RIMS2: variants seen among roughly 807,000 people sequenced by gnomAD.
RIMS2 encodes regulating synaptic membrane exocytosis 2.
Under a neutral mutation model 174.4 loss-of-function variants are expected in RIMS2, and 59 were observed. That is an observed-to-expected ratio of 0.34 (90% CI 0.27 to 0.42). RIMS2 has a LOEUF of 0.42. Ranked by LOEUF, RIMS2 falls within the 10% of genes least tolerant of loss-of-function variation. RIMS2 has a pLI of 1.00. For missense variants in RIMS2, 1,620 were observed against 1,666.3 expected (o/e 0.97, Z 0.48); for synonymous variants, 606 against 572.5 (o/e 1.06, Z -0.84).
In RIMS2 at chr8:104,248,833, G is replaced by A; in HGVS notation, c.3589+20G>A. On this transcript the variant is annotated intron_variant, in intron 21 of 23. Transcript: ENST00000504942. Reference sequence around the variant, plus strand: ...CAATGGGTAAGAATTTCTGCCACATGATTTCACTATTTTGTTTTAGATTGT... The same window carrying A: ...CAATGGGTAAGAATTTCTGCCACATAATTTCACTATTTTGTTTTAGATTGT... The A allele has an allele frequency of 1.7e-6, 2 of 1,172,086 alleles. No individual in the cohort carries two copies. Among genetic ancestry groups the A allele is most frequent in the Non-Finnish European group, 1.3e-6 (1 of 781,456 alleles). The allele number at this position is 1,172,086 out of a possible 1,614,324, so 72.6% of individuals were successfully genotyped here. A position where few individuals can be genotyped will look rare whatever the true frequency, so the allele number is the denominator to read the frequency against.
At chr8:103,949,104 G>A (rs1343294963) in intron 14 of RIMS2, among the ~76,000 whole-genome samples, 3 of 121,614 alleles carry the variant, frequency 2.5e-5, no homozygotes, top group African/African-American at 3.2e-5. Flanking sequence ...TCCAGCCTGG[G>A]CAACAGAGTG....
At chr8:103,590,960 T>A (rs2094223983) in intron 1 of RIMS2, among the ~76,000 whole-genome samples, 1 of 150,964 alleles carries the variant, frequency 6.6e-6, no homozygotes, top group Admixed American at 6.6e-5. Flanking sequence ...TATGAGAAAT[T>A]GCCAGGCCTT....
chr8:103,708,719 AT>A (rs2097264251), intron 2 of RIMS2, among the ~76,000 whole-genome samples: 1 of 151,892 alleles, frequency 6.6e-6, no homozygotes, highest in African/African-American at 2.4e-5. Context: ...ATAATGTAGC[AT>A]TTTTCACTTG....
At chr8:104,091,071 G>C (rs1030895004) in intron 19 of RIMS2, among the ~76,000 whole-genome samples, 1 of 151,674 alleles carries the variant, frequency 6.6e-6, no homozygotes, top group Non-Finnish European at 1.5e-5. Flanking sequence ...GCAAGCCTTG[G>C]AGATAGGCAC....
intron 2 of RIMS2, among the ~76,000 whole-genome samples, chr8:103,746,216 A>C (rs1222049414): frequency 6.6e-6 from 1 of 152,308 alleles, no homozygotes; most frequent in East Asian, 1.9e-4. Flanking sequence ...TTCCAATTGA[A>C]CGATCTTGGC....
chr8:103,783,666 A>G (rs1349543091), intron 3 of RIMS2, among the ~76,000 whole-genome samples: 2 of 151,936 alleles, frequency 1.3e-5, no homozygotes, highest in African/African-American at 2.4e-5. Flanking sequence ...CCAGTCTATC[A>G]TTGTGGGACA....
intron 3 of RIMS2, among the ~76,000 whole-genome samples, chr8:103,802,833 C>T (rs2098622443): frequency 1.3e-5 from 2 of 152,150 alleles, no homozygotes; most frequent in African/African-American, 2.4e-5. Context: ...TTTCAAAGGT[C>T]ATACAAGGTC....
chr8:103,853,747 T>G (rs998613319), intron 3 of RIMS2, among the ~76,000 whole-genome samples: 1 of 152,192 alleles, frequency 6.6e-6, no homozygotes, highest in South Asian at 2.1e-4. Flanking sequence ...TCTATGTGTT[T>G]GTTTTTACAC....
intron 19 of RIMS2, among the ~76,000 whole-genome samples, chr8:104,122,254 T>A (rs2098385564): frequency 6.6e-6 from 1 of 151,926 alleles, no homozygotes; most frequent in Non-Finnish European, 1.5e-5. Flanking sequence ...GTGATTGAAA[T>A]TAACAGGGAT....
chr8:103,739,361 A>G (rs2097730071), intron 2 of RIMS2, among the ~76,000 whole-genome samples: 1 of 152,086 alleles, frequency 6.6e-6, no homozygotes, highest in Non-Finnish European at 1.5e-5. Flanking sequence ...GAGGAACATC[A>G]CACACTGGGG....
chr8:103,990,293 T>G (rs568881942), intron 17 of RIMS2, among the ~76,000 whole-genome samples: 1 of 152,190 alleles, frequency 6.6e-6, no homozygotes, highest in South Asian at 2.1e-4. Flanking sequence ...AAGATTATAC[T>G]TAATTCATGC....
intron 19 of RIMS2, among the ~76,000 whole-genome samples, chr8:104,166,458 G>A (rs2098798933): frequency 6.6e-6 from 1 of 152,102 alleles, no homozygotes; most frequent in Non-Finnish European, 1.5e-5. Context: ...GTCAAGCATA[G>A]GGAGCTTCAG....
intron 3 of RIMS2, among the ~76,000 whole-genome samples, chr8:103,863,385 C>T (rs1273046135): frequency 6.6e-6 from 1 of 152,030 alleles, no homozygotes; most frequent in Non-Finnish European, 1.5e-5. Flanking sequence ...CCTCTATGTT[C>T]ATCAAGAATA....
At chr8:103,701,678 A>G (rs543753214) in intron 2 of RIMS2, among the ~76,000 whole-genome samples, 1 of 152,116 alleles carries the variant, frequency 6.6e-6, no homozygotes, top group Middle Eastern at 3.4e-3. Context: ...GAATGAGAAC[A>G]TGTGGTATTT....
chr8:103,516,555 A>G (rs1829071891), intron 1 of RIMS2, among the ~76,000 whole-genome samples: 1 of 152,176 alleles, frequency 6.6e-6, no homozygotes, highest in South Asian at 2.1e-4. Flanking sequence ...GCCAGAATGA[A>G]AGATGGAAGA....
intron 19 of RIMS2, among the ~76,000 whole-genome samples, chr8:104,093,890 C>A (rs1416906301): frequency 6.6e-6 from 1 of 151,710 alleles, no homozygotes; most frequent in African/African-American, 2.4e-5. Flanking sequence ...TATCTTTTTT[C>A]ATGTTTGTAA....
At chr8:104,182,237 C>T (rs2098944283) in intron 19 of RIMS2, among the ~76,000 whole-genome samples, 1 of 151,646 alleles carries the variant, frequency 6.6e-6, no homozygotes, top group African/African-American at 2.4e-5. Flanking sequence ...AATATTATGA[C>T]ACAAGTATAT....
intron 3 of RIMS2, among the ~76,000 whole-genome samples, chr8:103,849,654 G>C (rs955223238): frequency 1.3e-4 from 19 of 151,966 alleles, no homozygotes; most frequent in African/African-American, 4.1e-4. Context: ...TTCCAGTGGA[G>C]GTGACTTCTG....
chr8:103,678,652 A>G (rs1474040064), intron 1 of RIMS2, among the ~76,000 whole-genome samples: 1 of 152,142 alleles, frequency 6.6e-6, no homozygotes, highest in Non-Finnish European at 1.5e-5. Flanking sequence ...TAGAACATGG[A>G]AATATTTATT....
Sources: allele counts gnomAD v4.1 joint callset (sites outside exome capture counted in the v4.1 genomes callset), GRCh38; gene constraint gnomAD v4.1.1; transcripts MANE v1.5; gene names NCBI Gene and HGNC (gene_info 2026-07-23, HGNC 2026-07-21).